The following TMEM182 variants were observed in gnomAD, a reference collection of about 807,000 sequenced individuals.
TMEM182 encodes transmembrane protein 182.
A neutral mutation model predicts 26.8 loss-of-function variants in TMEM182; 20 were observed. The ratio of observed to expected loss-of-function variants is 0.75; its 90% CI spans 0.53 to 1.09. The LOEUF is 1.09. TMEM182 is among the 50% of genes least tolerant of loss of function. The probability of loss-of-function intolerance (pLI) is 0.00; values close to 1 mark genes in which losing one functional copy is unlikely to be tolerated. For synonymous variants in TMEM182, 109 were observed against 102.2 expected (o/e 1.07, Z -0.40); for missense variants, 277 against 275.5 (o/e 1.01, Z -0.04).
chr2:102,811,908 A>G (rs1225058274), intron 4 of TMEM182, among the ~76,000 whole-genome samples: 1 of 152,188 alleles, frequency 6.6e-6, no homozygotes, highest in African/African-American at 2.4e-5. Context: ...GTGTTTAGGC[A>G]TCAAGATCTG....
chr2:102,805,936 G>C (rs1682328293), intron 4 of TMEM182, among the ~76,000 whole-genome samples: 1 of 151,952 alleles, frequency 6.6e-6, no homozygotes, highest in African/African-American at 2.4e-5. Context: ...TACTGTCTCT[G>C]GTCTGGAATT....
At position 102,830,671 on chromosome 2, in the gene TMEM182, C is replaced by T. The variant is rs376173812; in HGVS notation, c.326-12741C>T. ...AGAATGGGGTGTCCCTCCCCTCAAG[C>T]ATTTTATCCTTTGAGGTACAAATAA... On this transcript the variant is annotated intron_variant, in intron 3 of 3. Coordinates refer to the TMEM182 transcript ENST00000486293. Among the ~76,000 whole-genome samples, 109 of 152,296 alleles carry T rather than the reference C, an allele frequency of 7.2e-4. 1 individual carries two copies. The highest frequency in any genetic ancestry group is 2.5e-3 in the African/African-American group (104 of 41,554).
At chr2:102,747,966 T>C (rs1489874196) in intron 1 of TMEM182, among the ~76,000 whole-genome samples, 2 of 152,204 alleles carry the variant, frequency 1.3e-5, no homozygotes, top group African/African-American at 2.4e-5. Context: ...TGTTTTTTTT[T>C]CCTTCTTGCT....
chr2:102,770,630 A>G (rs185299153), intron 3 of TMEM182, among the ~76,000 whole-genome samples: 1 of 152,260 alleles, frequency 6.6e-6, no homozygotes, highest in Non-Finnish European at 1.5e-5. Flanking sequence ...GACAGCAGTG[A>G]TCTCACAAAG....
intron 1 of TMEM182, among the ~76,000 whole-genome samples, chr2:102,749,719 C>T (rs1679820317): frequency 6.6e-6 from 1 of 152,094 alleles, no homozygotes; most frequent in Admixed American, 6.6e-5. Flanking sequence ...ACATATTTCA[C>T]ATGGAATTAA....
chr2:102,761,832 CT>C (rs1680224137), upstream of TMEM182: 1 of 191,292 alleles, frequency 5.2e-6, no homozygotes, highest in Middle Eastern at 2.5e-3. Flanking sequence ...ATTCCATCTT[CT>C]TTCTACTTCT....
chr2:102,743,462 C>T (rs1679599522), intron 1 of TMEM182, among the ~76,000 whole-genome samples: 1 of 152,108 alleles, frequency 6.6e-6, no homozygotes, highest in Non-Finnish European at 1.5e-5. Flanking sequence ...GCTGACTGCA[C>T]CTCAGCCTGG....
chr2:102,773,274 T>C (rs1680758983), intron 3 of TMEM182, among the ~76,000 whole-genome samples: 1 of 151,382 alleles, frequency 6.6e-6, no homozygotes, highest in Non-Finnish European at 1.5e-5. Flanking sequence ...TGAAGCAACA[T>C]AGCTTGGCCG....
intron 4 of TMEM182, among the ~76,000 whole-genome samples, chr2:102,811,656 T>A (rs974513983): frequency 6.6e-6 from 1 of 152,216 alleles, no homozygotes; most frequent in African/African-American, 2.4e-5. Context: ...ACTCATTTAT[T>A]TATATCACTG....
Position 102,816,229 on chromosome 2 carries a change from G to C in TMEM182, c.*1261G>C, listed in dbSNP as rs923437411. The C allele has an allele frequency of 6.1e-6, 6 of 985,164 alleles. No homozygotes were observed. The highest frequency in any genetic ancestry group is 7.2e-6 in the Non-Finnish European group (6 of 829,926). 61.0% of individuals were successfully genotyped at this position (985,164 alleles called of 1,614,324 possible). A position where few individuals can be genotyped will look rare whatever the true frequency, so the allele number is the denominator to read the frequency against. On this transcript the variant is annotated 3_prime_UTR_variant, in exon 5 of 5. Transcript: ENST00000412401. ...GGAAGCCTCCATCGCAGGGGAGCTC[G>C]GCAGGGTATGTGAGCTTTGTTGGAG... is the stretch of plus-strand genomic sequence containing the variant.
chr2:102,819,348 T>C (rs570861809), downstream of TMEM182, among the ~76,000 whole-genome samples: 6 of 152,314 alleles, frequency 3.9e-5, no homozygotes, highest in South Asian at 1.0e-3. Flanking sequence ...ATAAAGGCAC[T>C]GTAAGAAAAT....
chr2:102,774,420 T>TA (rs201883260), intron 3 of TMEM182, among the ~76,000 whole-genome samples: 6 of 150,844 alleles, frequency 4.0e-5, no homozygotes, highest in Non-Finnish European at 7.4e-5. Context: ...CATGCCTGGC[T>TA]AATTTTTTTT....
At chr2:102,802,959 T>C (rs1682209570) in intron 4 of TMEM182, among the ~76,000 whole-genome samples, 1 of 152,214 alleles carries the variant, frequency 6.6e-6, no homozygotes. Flanking sequence ...ACAGAGTCTT[T>C]CTGGGTGGAG....
chr2:102,812,384 T>TACACACACACACAC (rs61175945), intron 4 of TMEM182, among the ~76,000 whole-genome samples: 3 of 143,326 alleles, frequency 2.1e-5, no homozygotes, highest in African/African-American at 7.8e-5. Context: ...TCTACACATG[T>TACACACACACACAC]ACACACACAC....
chr2:102,766,115 A>G (rs1680421822), intron 3 of TMEM182, among the ~76,000 whole-genome samples: 1 of 152,222 alleles, frequency 6.6e-6, no homozygotes, highest in Admixed American at 6.5e-5. Context: ...GTTGTTATTC[A>G]TATAATGAGG....
At chr2:102,739,398 A>G (rs1176605640) in intron 1 of TMEM182, among the ~76,000 whole-genome samples, 3 of 152,088 alleles carry the variant, frequency 2.0e-5, no homozygotes, top group Non-Finnish European at 4.4e-5. Flanking sequence ...CATGGTTTGG[A>G]TCTGTGTCCC....
chr2:102,823,398 T>C (rs767779019), intron 3 of TMEM182, among the ~76,000 whole-genome samples: 3 of 152,182 alleles, frequency 2.0e-5, no homozygotes, highest in Non-Finnish European at 4.4e-5. Flanking sequence ...TGTGGTGTGA[T>C]CTCAGCTGAC....
At chr2:102,800,969 T>C (rs568135477) in intron 4 of TMEM182, among the ~76,000 whole-genome samples, 2 of 152,334 alleles carry the variant, frequency 1.3e-5, no homozygotes, top group East Asian at 3.9e-4. Flanking sequence ...TGTACTCATA[T>C]ATCCATACAC....
intron 4 of TMEM182, among the ~76,000 whole-genome samples, chr2:102,803,196 T>A (rs1682217886): frequency 1.3e-5 from 2 of 152,312 alleles, no homozygotes; most frequent in Non-Finnish European, 1.5e-5. Flanking sequence ...CTCTGCCCCA[T>A]TCCACGAGCA....
Sources: gnomAD v4.1 joint callset for allele counts (sites outside exome capture counted in the v4.1 genomes callset) on GRCh38, gnomAD v4.1.1 for gene constraint, MANE v1.5 for transcripts, NCBI Gene and HGNC (gene_info 2026-07-23, HGNC 2026-07-21) for gene names.